COL27A1: variants seen among roughly 807,000 people sequenced by gnomAD.
COL27A1 encodes collagen alpha-1(XXVII) chain.
COL27A1 carries 106 observed loss-of-function variants against 251.3 expected under a neutral mutation model. The observed-to-expected ratio is 0.42, with a 90% CI of 0.36 to 0.50. The LOEUF (loss-of-function observed/expected upper bound fraction) is 0.50, where lower values mean the gene tolerates loss of function less well. Among genes scored for constraint, COL27A1 ranks in the 20% least tolerant of loss-of-function variants. The pLI, the probability that COL27A1 is intolerant of heterozygous loss-of-function variation, is 0.00. For synonymous variants in COL27A1, 1,000 were observed against 986.3 expected (o/e 1.01, Z -0.26); for missense variants, 2,325 against 2,522.8 (o/e 0.92, Z 1.68).
In COL27A1 at chr9:114,256,171, C is replaced by T. The variant is rs376206500; in HGVS notation, c.3142-2370C>T. 1.1e-4 allele frequency among the ~76,000 whole-genome samples: 17 copies of T among 152,340 alleles called. No homozygotes were observed. In the East Asian group the frequency reaches 2.5e-3, roughly 22 times the overall value. On this transcript the variant is annotated intron_variant, in intron 27 of 60. Coordinates refer to ENST00000356083, the MANE Select transcript of COL27A1 (RefSeq NM_032888.4). ...TCAATCACTTTCACCTCCATGTTGT[C>T]CGATAGCACATTGAGATCTATCAAG...
intron 4 of COL27A1, among the ~76,000 whole-genome samples, chr9:114,178,897 T>C (rs987013424): frequency 4.6e-5 from 7 of 152,160 alleles, no homozygotes; most frequent in African/African-American, 1.7e-4. Context: ...TCTTTTATGC[T>C]GCCTTATTTG....
At chr9:114,270,688 C>G in intron 35 of COL27A1, 40 bp from the exon 36 acceptor site, 1 of 1,534,924 alleles carries the variant, frequency 6.5e-7, no homozygotes, top group Non-Finnish European at 9.0e-7. Flanking sequence ...GGCCTCCTCC[C>G]CAGTAACATC....
At position 114,310,450 on chromosome 9, in the gene COL27A1, G is replaced by C. The variant is rs78184529; in HGVS notation, c.5437-99G>C. 1.4e-3 allele frequency: 1,801 copies of C among 1,296,104 alleles called. 18 individuals are homozygous for C. The African/African-American group carries it at 0.023, about 17-fold the overall frequency. The allele number at this position is 1,296,104 out of a possible 1,614,324, so 80.3% of individuals were successfully genotyped here. A position where few individuals can be genotyped will look rare whatever the true frequency, so the allele number is the denominator to read the frequency against. On this transcript the variant is annotated intron_variant, in intron 60 of 60. Transcript: ENST00000356083. ...CATTGCTACAATGAAATACAGTATA[G>C]CCATTAAAAATTGTGAGGAAAGATG... is the stretch of plus-strand genomic sequence containing the variant.
chr9:114,158,055 C>T (rs923864778), intron 1 of COL27A1, among the ~76,000 whole-genome samples: 3 of 152,146 alleles, frequency 2.0e-5, no homozygotes, highest in Non-Finnish European at 4.4e-5. Flanking sequence ...CCATGGAGGA[C>T]GTGGAAGCTG....
intron 14 of COL27A1, among the ~76,000 whole-genome samples, chr9:114,222,757 C>T (rs1831210684): frequency 6.6e-6 from 1 of 152,134 alleles, no homozygotes; most frequent in South Asian, 2.1e-4. Flanking sequence ...CACCTAGGTT[C>T]AAGTCACAGA....
chr9:114,266,715 T>C, intron 33 of COL27A1, 97 bp downstream of exon 33: 2 of 1,121,366 alleles, frequency 1.8e-6, no homozygotes. Context: ...TGCCATTCCC[T>C]GTCCTGGCCC....
Position 114,258,520 on chromosome 9 carries a change from A to C in COL27A1, c.3142-21A>C, listed in dbSNP as rs776127671. ...CACTTCCTAAAAAGGGGCCTCTCCA[A>C]ACTCTTTCTCCTCTTCCCAGGGTCC... On this transcript the variant is annotated intron_variant, in intron 27 of 60. Coordinates refer to ENST00000356083, the MANE Select transcript of COL27A1 (RefSeq NM_032888.4). The C allele has an allele frequency of 5.0e-6, 8 of 1,610,972 alleles. No individual in the cohort carries two copies. The South Asian group carries it at 8.9e-5, about 18-fold the overall frequency.
In COL27A1 at chr9:114,283,743, C is replaced by G; in HGVS notation, c.3914C>G (p.Pro1305Arg). 1 of 1,614,068 alleles carries G rather than the reference C, an allele frequency of 6.2e-7. No individual in the cohort carries two copies. Among genetic ancestry groups the G allele is most frequent in the South Asian group, 1.1e-5 (1 of 91,074 alleles). The change falls in exon 40 of 61, where the codon CCG (proline) becomes CGG (arginine). Residue 1305 changes from proline to arginine, a missense_variant. By Grantham distance (103) the Pro-to-Arg change is moderately radical (BLOSUM62 -2). This residue lies in a region of COL27A1 where 662 missense variants were observed against 795.3 expected (regional missense o/e 0.83). Coordinates refer to ENST00000356083, the MANE Select transcript of COL27A1 (RefSeq NM_032888.4). Reference protein sequence around the residue: ...APGRMGAQGEPGLAGYDGHKG... With the variant: ...APGRMGAQGERGLAGYDGHKG... ...GGACGCATGGGGGCCCAAGGAGAACCGGGACTGGCTGGTTATGATGTAAGC... is the reference window on the plus strand; with the variant it reads ...GGACGCATGGGGGCCCAAGGAGAACGGGGACTGGCTGGTTATGATGTAAGC...
At position 114,303,491 on chromosome 9, in the gene COL27A1, G is replaced by A. The variant is rs181917622; in HGVS notation, c.4873-1117G>A. On this transcript the variant is annotated intron_variant, in intron 56 of 60. Transcript: ENST00000356083. ...TGACCTCAAGCCATACACCCGCCTC[G>A]GCCTCCCAAAGTGCTGGGATTACAG... is the stretch of plus-strand genomic sequence containing the variant. Among the ~76,000 whole-genome samples, 455 of 152,154 alleles carry A rather than the reference G, an allele frequency of 3.0e-3. 4 individuals carry two copies. The highest frequency in any genetic ancestry group is 0.012 in the East Asian group (63 of 5,188).
chr9:114,240,185 C>T (rs2135473581), intron 19 of COL27A1, 35 bp from the exon 20 acceptor site: 2 of 1,591,786 alleles, frequency 1.3e-6, no homozygotes, highest in Non-Finnish European at 1.7e-6. Flanking sequence ...CCTTCACAGC[C>T]CCCGTGGGTG....
intron 35 of COL27A1, among the ~76,000 whole-genome samples, chr9:114,269,986 C>T (rs1835028604): frequency 6.6e-6 from 1 of 152,196 alleles, no homozygotes; most frequent in Non-Finnish European, 1.5e-5. Flanking sequence ...AGGGGCGTCT[C>T]TAGAGCTGGA....
chr9:114,182,951 A>G, intron 4 of COL27A1, 71 bp from the exon 5 acceptor site: 2 of 1,309,542 alleles, frequency 1.5e-6, no homozygotes, highest in South Asian at 1.2e-5. Context: ...GGTGCCAGGC[A>G]TTGCTGTCAG....
chr9:114,188,059 G>C (rs1272146321), intron 5 of COL27A1, among the ~76,000 whole-genome samples: 1 of 152,240 alleles, frequency 6.6e-6, no homozygotes, highest in African/African-American at 2.4e-5. Flanking sequence ...TCAACAGCCA[G>C]CTGGTGGTAG....
At position 114,294,423 on chromosome 9, in the gene COL27A1, A is replaced by G. The variant is rs142057857; in HGVS notation, c.4584+2213A>G. On this transcript the variant is annotated intron_variant, in intron 49 of 60. Coordinates refer to ENST00000356083, the MANE Select transcript of COL27A1 (RefSeq NM_032888.4). ...CAATACACCAATATGCTTCATAAATATAGCTACCACAGTTCTCAATAAAAT... is the reference window on the plus strand; with the variant it reads ...CAATACACCAATATGCTTCATAAATGTAGCTACCACAGTTCTCAATAAAAT... Among the ~76,000 whole-genome samples, 11 of 152,320 alleles carry G rather than the reference A, an allele frequency of 7.2e-5. No homozygotes were observed. The East Asian group carries it at 1.3e-3, about 19-fold the overall frequency.
At chr9:114,223,252 G>T (rs1831240340) in intron 14 of COL27A1, among the ~76,000 whole-genome samples, 1 of 152,218 alleles carries the variant, frequency 6.6e-6, no homozygotes, top group Non-Finnish European at 1.5e-5. Flanking sequence ...GAGTTTGGGG[G>T]CCCGTGGAGG....
At chr9:114,179,430 C>T (rs1404309235) in intron 4 of COL27A1, among the ~76,000 whole-genome samples, 1 of 152,216 alleles carries the variant, frequency 6.6e-6, no homozygotes, top group African/African-American at 2.4e-5. Context: ...AGGCAGCCTA[C>T]TCCCTTCCCC....
rs374482941 is a variant in COL27A1 at position 114,265,004 on chromosome 9, G to T, written c.3294+36G>T. 10 of 1,612,186 alleles carry T rather than the reference G, an allele frequency of 6.2e-6. No homozygotes were observed. The Admixed American group carries it at 6.7e-5, about 11-fold the overall frequency. On this transcript the variant is annotated intron_variant, in intron 30 of 60. Coordinates refer to ENST00000356083, the MANE Select transcript of COL27A1 (RefSeq NM_032888.4). The stretch of plus-strand genomic sequence containing the variant: ...CCAAGGCCAAGCAGGCCAGCTGCAG[G>T]CCCCCTCCCTGCTCCGTGCTTTGTG...
At chr9:114,287,886 T>C (rs879893864) in intron 41 of COL27A1, among the ~76,000 whole-genome samples, 11 of 152,164 alleles carry the variant, frequency 7.2e-5, no homozygotes, top group African/African-American at 2.7e-4. Flanking sequence ...CATCTGTGAA[T>C]TGGGATAATA....
chr9:114,156,986 G>A (rs2134984896), intron 1 of COL27A1, among the ~76,000 whole-genome samples: 1 of 152,148 alleles, frequency 6.6e-6, no homozygotes, highest in South Asian at 2.1e-4. Context: ...TTGAGCTGGA[G>A]TCCGCGGGAT....
Sources: gnomAD v4.1 joint callset for allele counts (sites outside exome capture counted in the v4.1 genomes callset) on GRCh38, gnomAD v4.1.1 for gene constraint, gnomAD v4.1.1 regional missense constraint, MANE v1.5 for transcripts, NCBI Gene and HGNC (gene_info 2026-07-23, HGNC 2026-07-21) for gene names.